MAP3K9: variants seen among roughly 807,000 people sequenced by gnomAD.
MAP3K9 encodes the protein mixed lineage kinase 1 (tyr and ser/thr specificity).
In MAP3K9, 46 loss-of-function variants were observed where a neutral mutation model predicts 95.8. The ratio of observed to expected loss-of-function variants is 0.48; its 90% CI spans 0.38 to 0.61. The LOEUF (loss-of-function observed/expected upper bound fraction) is 0.61. MAP3K9 is among the 20% of genes least tolerant of loss of function. The probability of loss-of-function intolerance (pLI) is 0.00; values close to 1 mark genes in which losing one functional copy is unlikely to be tolerated. For synonymous variants in MAP3K9, 533 were observed against 593.8 expected (o/e 0.90, Z 1.49); for missense variants, 1,296 against 1,474.3 (o/e 0.88, Z 1.98).
chr14:70,791,032 G>A (rs951697582), intron 2 of MAP3K9, among the ~76,000 whole-genome samples: 1 of 152,178 alleles, frequency 6.6e-6, no homozygotes, highest in African/African-American at 2.4e-5. Context: ...CAGACCACCC[G>A]CAAACTGTGG....
At chr14:70,757,369 G>A (rs1282763931) in intron 3 of MAP3K9, among the ~76,000 whole-genome samples, 3 of 149,824 alleles carry the variant, frequency 2.0e-5, no homozygotes, top group African/African-American at 7.4e-5. Context: ...GCTGAGGAAA[G>A]AGGATCACCT....
chr14:70,737,324 G>C (rs2053999429), intron 8 of MAP3K9, among the ~76,000 whole-genome samples: 1 of 152,166 alleles, frequency 6.6e-6, no homozygotes, highest in Non-Finnish European at 1.5e-5. Flanking sequence ...CATGAGATGG[G>C]TACTAATGTT....
intron 2 of MAP3K9, among the ~76,000 whole-genome samples, chr14:70,772,921 C>G (rs1165022431): frequency 4.6e-5 from 7 of 152,168 alleles, no homozygotes; most frequent in Non-Finnish European, 1.5e-5. Context: ...CAGGACATTT[C>G]ATTCAGCCCA....
At chr14:70,779,174 G>A (rs1333005263) in intron 2 of MAP3K9, among the ~76,000 whole-genome samples, 1 of 152,232 alleles carries the variant, frequency 6.6e-6, no homozygotes, top group African/African-American at 2.4e-5. Flanking sequence ...CCGCAGTGAA[G>A]GGCTGGGGCA....
At chr14:70,784,615 C>A (rs1474242317) in intron 2 of MAP3K9, among the ~76,000 whole-genome samples, 1 of 151,808 alleles carries the variant, frequency 6.6e-6, no homozygotes, top group Non-Finnish European at 1.5e-5. Context: ...TGGTGGCAGG[C>A]GTCAGTAATC....
chr14:70,734,308 A>G (rs1387763467), intron 10 of MAP3K9, 78 bp downstream of exon 10: 1 of 960,692 alleles, frequency 1.0e-6, no homozygotes, highest in Non-Finnish European at 1.7e-6. Context: ...GGGTCCTTAA[A>G]TGGTCCTAGA....
intron 7 of MAP3K9, 55 bp downstream of exon 7, chr14:70,739,986 AG>A: frequency 6.2e-7 from 1 of 1,614,218 alleles, no homozygotes; most frequent in African/African-American, 1.3e-5. Flanking sequence ...TGGACAGAGC[AG>A]GGGACAGGTG....
rs965417251 is a variant in MAP3K9 at position 70,790,235 on chromosome 14, G to A, written c.820+10432C>T. On this transcript the variant is annotated intron_variant, in intron 2 of 11. Coordinates refer to ENST00000554752, the MANE Select transcript of MAP3K9 (RefSeq NM_001284230.2). ...ACTGTTTTCTCCACTAAACCACTCAGCAAAGATTCCCTTTCAGTAGATTCA... is the reference window on the plus strand; with the variant it reads ...ACTGTTTTCTCCACTAAACCACTCAACAAAGATTCCCTTTCAGTAGATTCA... 8.5e-5 allele frequency among the ~76,000 whole-genome samples: 13 copies of A among 152,332 alleles called. No homozygotes were observed. In the East Asian group the frequency reaches 2.5e-3, roughly 29 times the overall value.
Position 70,730,440 on chromosome 14 carries a change from T to A in MAP3K9, c.3255A>T (p.Arg1085Ser). ...CAGGCCTGTGTGTGTTCAGTTCCGCTCTGCACAGCGGCACGGTGCTGTCCT... is the reference window on the plus strand; with the variant it reads ...CAGGCCTGTGTGTGTTCAGTTCCGCACTGCACAGCGGCACGGTGCTGTCCT... ...QSQDSTVPLC[R>S]AELNTHRPAP... Residue 1085 changes from arginine to serine, a missense_variant, in exon 12 of 12, where the codon AGA becomes AGT. Physicochemically the swap from Arg to Ser is moderately radical, Grantham distance 110. Around this residue, in one of 5 missense-constraint regions of MAP3K9, gnomAD observed 433 missense variants for 441.4 expected, o/e 0.98. Transcript: ENST00000554752. The A allele has an allele frequency of 6.2e-7, 1 of 1,614,198 alleles. No homozygotes were observed. The highest frequency in any genetic ancestry group is 8.5e-7 in the Non-Finnish European group (1 of 1,180,042).
At chr14:70,748,724 T>G in intron 5 of MAP3K9, 105 bp downstream of exon 5, 1 of 801,542 alleles carries the variant, frequency 1.2e-6, no homozygotes. Context: ...ATCAAGATGG[T>G]CAGTCAGACT....
intron 5 of MAP3K9, among the ~76,000 whole-genome samples, chr14:70,742,821 A>T (rs2054092182): frequency 6.6e-6 from 1 of 151,980 alleles, no homozygotes; most frequent in African/African-American, 2.4e-5. Flanking sequence ...CAGAGAAGAT[A>T]AAGCCATAGG....
At chr14:70,772,990 A>T (rs1052897657) in intron 2 of MAP3K9, among the ~76,000 whole-genome samples, 1 of 152,192 alleles carries the variant, frequency 6.6e-6, no homozygotes, top group Non-Finnish European at 1.5e-5. Context: ...CACTAAGAAA[A>T]TACTAAACAC....
At chr14:70,739,899 T>C (rs2054044057) in intron 7 of MAP3K9, 143 bp downstream of exon 7, 3 of 1,608,958 alleles carry the variant, frequency 1.9e-6, no homozygotes, top group Non-Finnish European at 8.5e-7. Flanking sequence ...TTTGCGTACA[T>C]ATGTGCATGT....
chr14:70,809,065 T>G lies in MAP3K9; in HGVS notation c.107A>C (p.Glu36Ala), dbSNP rs1001587212. The G allele has an allele frequency of 2.0e-5, 28 of 1,432,116 alleles. No individual in the cohort carries two copies. The Admixed American group carries it at 4.9e-4, about 25-fold the overall frequency. The allele number at this position is 1,432,116 out of a possible 1,614,324, so 88.7% of individuals were successfully genotyped here. The change falls in exon 1 of 12, where the codon GAG becomes GCG. Residue 36 changes from glutamate (E) to alanine (A), a missense_variant. Physicochemically the swap from Glu to Ala is moderately radical, Grantham distance 107 (BLOSUM62 -1). Around this residue, in one of 5 missense-constraint regions of MAP3K9, gnomAD observed 338 missense variants for 363.4 expected, o/e 0.93. Coordinates refer to ENST00000554752, the MANE Select transcript of MAP3K9 (RefSeq NM_001284230.2). ...GCCCACCGCCGCCGCCGCCTCCTCCTCCTCCTCCTCCTCCTCCTCGGCCCC... is the reference window on the plus strand; with the variant it reads ...GCCCACCGCCGCCGCCGCCTCCTCCGCCTCCTCCTCCTCCTCCTCGGCCCC... ...GAGAEEEEEE[E>A]EEAAAAVGPG... is the part of the protein sequence containing the mutation.
chr14:70,808,707 C>T (rs2055024408), intron 1 of MAP3K9, 59 bp downstream of exon 1: 2 of 1,077,914 alleles, frequency 1.9e-6, no homozygotes, highest in East Asian at 6.4e-5. Flanking sequence ...CCCCCTTCCC[C>T]GACCGCCCCC....
At chr14:70,795,162 T>A (rs1473848027) in intron 2 of MAP3K9, among the ~76,000 whole-genome samples, 1 of 151,548 alleles carries the variant, frequency 6.6e-6, no homozygotes, top group East Asian at 1.9e-4. Context: ...TTCGGCTATT[T>A]TTTTTGTTTG....
chr14:70,789,740 T>C (rs1044596236), intron 2 of MAP3K9, among the ~76,000 whole-genome samples: 1 of 152,144 alleles, frequency 6.6e-6, no homozygotes, highest in African/African-American at 2.4e-5. Context: ...AAGTTTCCTA[T>C]AGAGAGCAAA....
At chr14:70,747,542 C>T (rs1011811271) in intron 5 of MAP3K9, among the ~76,000 whole-genome samples, 3 of 152,108 alleles carry the variant, frequency 2.0e-5, no homozygotes, top group African/African-American at 4.8e-5. Context: ...AATATTACAA[C>T]GAATATCGGT....
At chr14:70,772,016 C>A (rs528120157) in intron 2 of MAP3K9, among the ~76,000 whole-genome samples, 4 of 152,214 alleles carry the variant, frequency 2.6e-5, no homozygotes, top group Admixed American at 2.6e-4. Context: ...GGGCTCTGCC[C>A]GCTCTGTCTC....
Sources: gnomAD v4.1 joint callset for allele counts (sites outside exome capture counted in the v4.1 genomes callset) on GRCh38, gnomAD v4.1.1 for gene constraint, gnomAD v4.1.1 regional missense constraint, MANE v1.5 for transcripts, NCBI Gene and HGNC (gene_info 2026-07-23, HGNC 2026-07-21) for gene names.